Variants in DKK3 observed in about 807,000 individuals in gnomAD.
DKK3 encodes the protein dickkopf Wnt signaling pathway inhibitor 3.
Under a neutral mutation model 33.2 loss-of-function variants are expected in DKK3, and 22 were observed. The observed-to-expected ratio is 0.66, with a 90% CI of 0.47 to 0.95. The LOEUF (loss-of-function observed/expected upper bound fraction) is 0.95, where lower values mean the gene tolerates loss of function less well. DKK3 is among the 40% of genes least tolerant of loss of function. The pLI, the probability that DKK3 is intolerant of heterozygous loss-of-function variation, is 0.00. For missense variants in DKK3, 398 were observed against 458.4 expected (o/e 0.87, Z 1.20); for synonymous variants, 194 against 188.8 (o/e 1.03, Z -0.23).
Position 11,964,344 on chromosome 11 carries a change from G to T in DKK3, c.*120C>A. On this transcript the variant is annotated 3_prime_UTR_variant, in exon 7 of 7. Coordinates refer to ENST00000683431, the MANE Select transcript of DKK3 (RefSeq NM_001018057.2). The stretch of plus-strand genomic sequence containing the variant: ...CAACACCTCATGCTGTCAAGCCAGA[G>T]GGGAAACTTACTGGGAAGAAGATGT... The T allele has an allele frequency of 7.6e-7, 1 of 1,311,110 alleles. No individual in the cohort carries two copies. Among genetic ancestry groups the T allele is most frequent in the Non-Finnish European group, 1.0e-6 (1 of 956,920 alleles). The allele number at this position is 1,311,110 out of a possible 1,614,324, so 81.2% of individuals were successfully genotyped here.
intron 3 of DKK3, among the ~76,000 whole-genome samples, chr11:11,993,295 T>A (rs1235096442): frequency 2.0e-5 from 3 of 152,156 alleles, no homozygotes; most frequent in African/African-American, 7.2e-5. Flanking sequence ...TTTTTATGCA[T>A]ACTTTTTTCT....
At chr11:11,966,145 G>T (rs1847588994) in intron 5 of DKK3, among the ~76,000 whole-genome samples, 180 bp from the exon 6 acceptor site, 1 of 152,248 alleles carries the variant, frequency 6.6e-6, no homozygotes, top group Non-Finnish European at 1.5e-5. Flanking sequence ...AGGAGGGAAT[G>T]ATTGGTAGGG....
chr11:11,981,607 C>T (rs11022101), intron 3 of DKK3, among the ~76,000 whole-genome samples: 10,731 of 152,158 alleles, frequency 0.071, 501 homozygotes, highest in Middle Eastern at 0.22. Context: ...CCAATGCTTA[C>T]GGGGCTGGGG....
Position 11,964,239 on chromosome 11 carries a change from T to C in DKK3, c.*225A>G, listed in dbSNP as rs1375425171. The C allele has an allele frequency of 1.5e-5, 9 of 594,678 alleles. No individual in the cohort carries two copies. Among genetic ancestry groups the C allele is most frequent in the Non-Finnish European group, 2.6e-5 (9 of 342,366 alleles). 36.8% of individuals were successfully genotyped at this position (594,678 alleles called of 1,614,324 possible). A position where few individuals can be genotyped will look rare whatever the true frequency, so the allele number is the denominator to read the frequency against. On this transcript the variant is annotated 3_prime_UTR_variant, in exon 7 of 7. Transcript: ENST00000683431. Reference sequence around the variant, plus strand: ...CTGGACAGGGGTGGCAAACTGCTCCTGCAGTTTAACCCTGCCTGACTCTCC... The same window carrying C: ...CTGGACAGGGGTGGCAAACTGCTCCCGCAGTTTAACCCTGCCTGACTCTCC...
At chr11:11,991,218 A>C (rs1848180520) in intron 3 of DKK3, among the ~76,000 whole-genome samples, 1 of 152,188 alleles carries the variant, frequency 6.6e-6, no homozygotes. Flanking sequence ...TCTGTTTTTC[A>C]AGGCCACCGC....
rs760849256 is a variant in DKK3 at position 12,002,432 on chromosome 11, CT to C, written c.218del (p.Glu73GlyfsTer13). ...ATGCTTTAGCAGCAGCTTCTTCTGC[CT>C]CCATCTATTAAATCGATGAATTTAA... is the stretch of plus-strand genomic sequence containing the variant. ...HKLRSAVEEMEAEEAAAKASS... is the reference protein window; with the variant it reads ...HKLRSAVEEMXAEEAAAKASS... On this transcript the variant is annotated frameshift_variant, in exon 2 of 7. Coordinates refer to ENST00000683431, the MANE Select transcript of DKK3 (RefSeq NM_001018057.2). LOFTEE classifies it high-confidence loss of function. The C allele has an allele frequency of 1.5e-5, 24 of 1,612,534 alleles. No individual in the cohort carries two copies. The highest frequency in any genetic ancestry group is 2.0e-5 in the Non-Finnish European group (24 of 1,179,416).
Position 11,964,123 on chromosome 11 carries a change from A to G in DKK3, c.*341T>C, listed in dbSNP as rs2134976834. The G allele has an allele frequency of 3.6e-6, 1 of 278,440 alleles. No individual in the cohort carries two copies. The highest frequency in any genetic ancestry group is 6.7e-6 in the Non-Finnish European group (1 of 148,190). 17.2% of individuals were successfully genotyped at this position (278,440 alleles called of 1,614,324 possible). On this transcript the variant is annotated 3_prime_UTR_variant, in exon 7 of 7. Coordinates refer to ENST00000683431, the MANE Select transcript of DKK3 (RefSeq NM_001018057.2). ...AAAACCAATCAGAGGGAGACTCCAC[A>G]TTGTTTCCATCTCCTCCCCTCAAAC... is the stretch of plus-strand genomic sequence containing the variant.
At position 12,005,476 on chromosome 11, in the gene DKK3, C is replaced by T. The variant is rs148981897; in HGVS notation, c.213+2894G>A. On this transcript the variant is annotated intron_variant, in intron 1 of 6. Coordinates refer to ENST00000683431, the MANE Select transcript of DKK3 (RefSeq NM_001018057.2). ...GAGCTGGCCATGAGGGGAAGAGAAA[C>T]AGAGTGGTTATATCTTCAGAATACA... Among the ~76,000 whole-genome samples the T allele has an allele frequency of 1.0e-3, 153 of 152,246 alleles. 1 individual carries two copies. The highest frequency in any genetic ancestry group is 3.5e-3 in the African/African-American group (145 of 41,544).
At chr11:11,969,837 T>C (rs1432125265) in intron 3 of DKK3, among the ~76,000 whole-genome samples, 1 of 152,218 alleles carries the variant, frequency 6.6e-6, no homozygotes, top group Non-Finnish European at 1.5e-5. Context: ...TTGCCAAGCA[T>C]TGATGCTTTT....
intron 1 of DKK3, among the ~76,000 whole-genome samples, chr11:12,004,672 T>C (rs569612854): frequency 5.8e-4 from 88 of 152,320 alleles, no homozygotes; most frequent in South Asian, 1.0e-3. Context: ...ATTTGTAAAA[T>C]AGGGATGTCC....
At chr11:11,997,321 G>T (rs72859309) in intron 3 of DKK3, among the ~76,000 whole-genome samples, 11,623 of 152,120 alleles carry the variant, frequency 0.076, 540 homozygotes, top group Non-Finnish European at 0.1. Flanking sequence ...ACTCTGCTCA[G>T]GCCTCAATCC....
chr11:12,008,650 C>G (rs928480598), upstream of DKK3: 77 of 1,274,942 alleles, frequency 6.0e-5, no homozygotes, highest in South Asian at 8.5e-5. This position sits in a 1 kb window ranked among gnomAD's most constrained non-coding sequence, Gnocchi z 4.6. Context: ...CGGACCACCC[C>G]CCTCGCTGGG....
intron 3 of DKK3, among the ~76,000 whole-genome samples, chr11:11,986,783 C>A (rs558120387): frequency 2.0e-5 from 3 of 152,286 alleles, no homozygotes; most frequent in Non-Finnish European, 4.4e-5. Context: ...CTTTAAACTC[C>A]AGTGCCCTCA....
chr11:12,000,818 C>T (rs11022108), intron 2 of DKK3, among the ~76,000 whole-genome samples: 32,810 of 152,008 alleles, frequency 0.22, 3,792 homozygotes, highest in Admixed American at 0.31. Flanking sequence ...CACGCCTGGC[C>T]GAAGATTGGT....
intron 3 of DKK3, among the ~76,000 whole-genome samples, chr11:11,976,976 T>A (rs1847847385): frequency 6.6e-6 from 1 of 152,142 alleles, no homozygotes; most frequent in South Asian, 2.1e-4. Context: ...CAAACCTCAC[T>A]GAGGGGCTCT....
rs971372112 is a variant in DKK3 at position 11,964,196 on chromosome 11, G to C, written c.*268C>G. 1.9e-5 allele frequency: 9 copies of C among 483,052 alleles called. No homozygotes were observed. Among genetic ancestry groups the C allele is most frequent in the Non-Finnish European group, 3.0e-5 (8 of 271,056 alleles). 29.9% of individuals were successfully genotyped at this position (483,052 alleles called of 1,614,324 possible). On this transcript the variant is annotated 3_prime_UTR_variant, in exon 7 of 7. Transcript: ENST00000683431. ...AAACGGCTGTCTGCCAACTGGTAGAGGCAAAGCAGCCAATAATCTGGACAG... is the reference window on the plus strand; with the variant it reads ...AAACGGCTGTCTGCCAACTGGTAGACGCAAAGCAGCCAATAATCTGGACAG...
chr11:11,977,436 C>G, intron 3 of DKK3, among the ~76,000 whole-genome samples: 1 of 152,082 alleles, frequency 6.6e-6, no homozygotes, highest in Middle Eastern at 3.2e-3. Context: ...ACACACAGAG[C>G]CTCCCAACAT....
At position 12,008,061 on chromosome 11, in the gene DKK3, A is replaced by G. The variant is rs934596336; in HGVS notation, c.213+309T>C. Among the ~76,000 whole-genome samples, 7 of 152,082 alleles carry G rather than the reference A, an allele frequency of 4.6e-5. No homozygotes were observed. The highest frequency in any genetic ancestry group is 1.4e-4 in the African/African-American group (6 of 41,420). On this transcript the variant is annotated intron_variant, in intron 1 of 6. Transcript: ENST00000683431. The surrounding 1 kb of genome is among the most constrained non-coding windows in gnomAD (Gnocchi z 4.6). ...GGGGCCCTGCAAACCTCTGCTGACAATAGGGAAGGCCAACGGCATGCCTGA... is the reference window on the plus strand; with the variant it reads ...GGGGCCCTGCAAACCTCTGCTGACAGTAGGGAAGGCCAACGGCATGCCTGA...
At chr11:12,001,520 G>A (rs1848427867) in intron 2 of DKK3, among the ~76,000 whole-genome samples, 1 of 152,196 alleles carries the variant, frequency 6.6e-6, no homozygotes, top group African/African-American at 2.4e-5. Flanking sequence ...GAGGGGGCAG[G>A]CTCCTTGATA....
Sources: allele counts gnomAD v4.1 joint callset (sites outside exome capture counted in the v4.1 genomes callset), GRCh38; gene constraint gnomAD v4.1.1; non-coding constraint Gnocchi (gnomAD v3.1); transcripts MANE v1.5; gene names NCBI Gene and HGNC (gene_info 2026-07-23, HGNC 2026-07-21).